Variants in RAD51D observed in about 807,000 individuals in gnomAD.
RAD51D encodes RAD51 paralog D.
A neutral mutation model predicts 44.1 loss-of-function variants in RAD51D; 38 were observed. The observed-to-expected ratio is 0.86, with a 90% confidence interval of 0.67 to 1.13. The LOEUF (loss-of-function observed/expected upper bound fraction) is 1.13. RAD51D is among the 50% of genes most tolerant of loss of function. RAD51D has a pLI of 0.00. For missense variants in RAD51D, 390 were observed against 414.0 expected, an observed-to-expected ratio of 0.94 and a Z score of 0.50; for synonymous variants, 141 against 166.6, an observed-to-expected ratio of 0.85 and a Z score of 1.18.
At chr17:35,115,969 GAAAGAAA>G (rs2091737936) in intron 3 of RAD51D, among the ~76,000 whole-genome samples, 7 of 142,764 alleles carry the variant, frequency 4.9e-5, no homozygotes, top group Admixed American at 7.1e-5. Context: ...AAGAAAGAAA[GAAAGAAA>G]GAAAGAAAGA....
chr17:35,106,124 T>TG (rs774871714), intron 6 of RAD51D: 1 of 631,842 alleles, frequency 1.6e-6, no homozygotes, highest in Admixed American at 1.8e-5. Flanking sequence ...TATTCCTCAC[T>TG]CACCTAGTGG....
rs999123961 is a variant in RAD51D at position 35,103,619 on chromosome 17, A to G, written c.577-75T>C. On this transcript the variant is annotated intron_variant, in intron 6 of 9. Transcript: ENST00000345365. The surrounding 1 kb of genome is among the most constrained non-coding windows in gnomAD (Gnocchi z 4.1). The stretch of plus-strand genomic sequence containing the variant: ...CATTACAGGACAAGCTTGCTTTTCT[A>G]TCTAAAACTAGTAAGAAATAGCCCC... 1.7e-6 allele frequency: 2 copies of G among 1,154,712 alleles called. No individual in the cohort carries two copies. The highest frequency in any genetic ancestry group is 2.0e-4 in the Middle Eastern group (1 of 4,930). The allele number at this position is 1,154,712 out of a possible 1,614,324, so 71.5% of individuals were successfully genotyped here. A position where few individuals can be genotyped will look rare whatever the true frequency, so the allele number is the denominator to read the frequency against.
intron 3 of RAD51D, 86 bp downstream of exon 3, chr17:35,118,415 C>T (rs1231981682): frequency 5.9e-6 from 7 of 1,179,572 alleles, no homozygotes; most frequent in Non-Finnish European, 7.6e-6. Context: ...AAACCCCTCC[C>T]GTCTAGACTC....
intron 3 of RAD51D, among the ~76,000 whole-genome samples, chr17:35,117,491 A>G (rs1049463854): frequency 4.6e-5 from 7 of 152,152 alleles, no homozygotes; most frequent in African/African-American, 1.4e-4. Flanking sequence ...GTGGCGGGAC[A>G]TAACTGCTCC....
chr17:35,108,868 CTTTTTTT>C (rs35092882), intron 3 of RAD51D, among the ~76,000 whole-genome samples: 1 of 122,644 alleles, frequency 8.2e-6, no homozygotes, highest in Non-Finnish European at 1.7e-5. Context: ...TTTTTCTTTT[CTTTTTTT>C]TTTTTTTTTG....
At chr17:35,105,332 C>A (rs1478979537) in intron 6 of RAD51D, among the ~76,000 whole-genome samples, 1 of 152,038 alleles carries the variant, frequency 6.6e-6, no homozygotes, top group Non-Finnish European at 1.5e-5. Context: ...GCTCTGCTGA[C>A]CAGGCTAAGG....
At position 35,103,123 on chromosome 17, in the gene RAD51D, C is replaced by T. The variant is rs28363285; in HGVS notation, c.738+131G>A. The T allele has an allele frequency of 1.5e-5, 12 of 815,872 alleles. No homozygotes were observed. The highest frequency in any genetic ancestry group is 2.3e-5 in the Non-Finnish European group (11 of 477,858). 50.5% of individuals were successfully genotyped at this position (815,872 alleles called of 1,614,324 possible). A position where few individuals can be genotyped will look rare whatever the true frequency, so the allele number is the denominator to read the frequency against. ...AGCTATTTATGGTGCAAAGCTGTAG[C>T]TGACCCAGGGAAGCTGGGATATGTC... On this transcript the variant is annotated intron_variant, in intron 8 of 9. Coordinates refer to ENST00000345365, the MANE Select transcript of RAD51D (RefSeq NM_002878.4). This position sits in a 1 kb window ranked among gnomAD's most constrained non-coding sequence, Gnocchi z 4.1.
rs1319671342 is a variant in RAD51D at position 35,106,376 on chromosome 17, G to A, written c.576+10C>T. 1 of 1,611,450 alleles carries A rather than the reference G, an allele frequency of 6.2e-7. No homozygotes were observed. The highest frequency in any genetic ancestry group is 2.2e-5 in the East Asian group (1 of 44,864). On this transcript the variant is annotated intron_variant, in intron 6 of 9. Transcript: ENST00000345365. ...GAATTAAGCAAGGAGGGGCAGAACA[G>A]CAGGCTCACCTGCTGGGCCACAGTG...
intron 3 of RAD51D, among the ~76,000 whole-genome samples, chr17:35,110,609 G>A (rs1000856198): frequency 3.3e-5 from 5 of 152,160 alleles, no homozygotes; most frequent in Non-Finnish European, 7.4e-5. Flanking sequence ...GTTGATTATT[G>A]TATATTTTTA....
rs139572042 is a variant in RAD51D, at chr17:35,112,634, T to C, written c.264-5187A>G. 3.1e-4 allele frequency among the ~76,000 whole-genome samples: 47 copies of C among 152,308 alleles called. 1 individual carries two copies. In the East Asian group the frequency reaches 8.7e-3, roughly 28 times the overall value. ...CTCAGGTGATCCACTTGCCTCGACC[T>C]TCCAAAGTGCTGGGATTACAGGCAT... On this transcript the variant is annotated intron_variant, in intron 3 of 9. Coordinates refer to ENST00000345365, the MANE Select transcript of RAD51D (RefSeq NM_002878.4).
chr17:35,118,704 T>C (rs1597877086), intron 2 of RAD51D, 85 bp from the exon 3 acceptor site: 3 of 996,578 alleles, frequency 3.0e-6, no homozygotes, highest in East Asian at 2.4e-5. Context: ...CTTCTCAATA[T>C]CTGAGAACCC....
At chr17:35,118,349 A>G (rs1342972883) in intron 3 of RAD51D, 152 bp downstream of exon 3, 2 of 685,884 alleles carry the variant, frequency 2.9e-6, no homozygotes, top group East Asian at 2.6e-5. Context: ...CTGTTATAGG[A>G]TAAGAATTCA....
intron 3 of RAD51D, among the ~76,000 whole-genome samples, chr17:35,108,568 T>A (rs1199872949): frequency 6.9e-6 from 1 of 144,630 alleles, no homozygotes; most frequent in East Asian, 2.3e-4. Flanking sequence ...GTTGGTACTA[T>A]CCACAGAGCT....
intron 6 of RAD51D, 71 bp downstream of exon 6, chr17:35,106,315 A>G (rs2091602139): frequency 7.9e-7 from 1 of 1,265,340 alleles, no homozygotes; most frequent in African/African-American, 1.5e-5. Context: ...AGTCTGTAGT[A>G]GGACACCTGC....
intron 3 of RAD51D, among the ~76,000 whole-genome samples, chr17:35,116,076 AAAAAG>A (rs1195124443): frequency 2.0e-4 from 31 of 151,604 alleles, no homozygotes; most frequent in African/African-American, 7.0e-4. Context: ...GACAAAAAAA[AAAAAG>A]AAAGAAAGAA....
chr17:35,119,057 G>A, intron 2 of RAD51D, 54 bp downstream of exon 2: 1 of 1,551,732 alleles, frequency 6.4e-7, no homozygotes. Flanking sequence ...GCTGGCTTGG[G>A]ATGGACTTTT....
Position 35,119,167 on chromosome 17 carries a change from C to A in RAD51D, c.88G>T (p.Asp30Tyr). 6.2e-7 allele frequency: 1 copy of A among 1,613,780 alleles called. No individual in the cohort carries two copies. Among genetic ancestry groups the A allele is most frequent in the East Asian group, 2.2e-5 (1 of 44,882 alleles). ...LRSHRIKTVV[D>Y]LVSADLEEVA... Reference sequence around the variant, plus strand: ...TCTTCCAGGTCTGCAGAAACCAGGTCCACCACTGAAAACAAAACACGTATA... The same window carrying A: ...TCTTCCAGGTCTGCAGAAACCAGGTACACCACTGAAAACAAAACACGTATA... Residue 30 changes from aspartate to tyrosine, a missense_variant, in exon 2 of 10, where the codon GAC becomes TAC. Asp to Tyr is a radical substitution (Grantham distance 160, BLOSUM62 -3). Coordinates refer to ENST00000345365, the MANE Select transcript of RAD51D (RefSeq NM_002878.4).
Position 35,119,152 on chromosome 17 carries a change from C to A in RAD51D, c.103G>T (p.Asp35Tyr). 6.2e-7 allele frequency: 1 copy of A among 1,614,058 alleles called. No individual in the cohort carries two copies. Among genetic ancestry groups the A allele is most frequent in the Non-Finnish European group, 8.5e-7 (1 of 1,179,862 alleles). The change falls in exon 2 of 10, where the codon GAC (aspartate) becomes TAC (tyrosine). Residue 35 changes from aspartate to tyrosine, a missense_variant. Transcript: ENST00000345365. ...IKTVVDLVSADLEEVAQKCGL... is the reference protein window; with the variant it reads ...IKTVVDLVSAYLEEVAQKCGL... Reference sequence around the variant, plus strand: ...CATTTCTGAGCTACCTCTTCCAGGTCTGCAGAAACCAGGTCCACCACTGAA... The same window carrying A: ...CATTTCTGAGCTACCTCTTCCAGGTATGCAGAAACCAGGTCCACCACTGAA...
intron 6 of RAD51D, among the ~76,000 whole-genome samples, chr17:35,104,370 G>A (rs897303614): frequency 3.9e-5 from 6 of 151,918 alleles, no homozygotes; most frequent in Non-Finnish European, 7.4e-5. Flanking sequence ...CTCATCTTCC[G>A]TATCTAAAAT....
Sources: gnomAD v4.1 joint callset for allele counts (sites outside exome capture counted in the v4.1 genomes callset) on GRCh38, gnomAD v4.1.1 for gene constraint, Gnocchi (gnomAD v3.1) non-coding constraint, MANE v1.5 for transcripts, NCBI Gene and HGNC (gene_info 2026-07-23, HGNC 2026-07-21) for gene names.